The following TRIM15 variants were observed in gnomAD, a reference collection of about 807,000 sequenced individuals.
The protein encoded by TRIM15 is tripartite motif containing 15, also known as E3 ubiquitin-protein ligase TRIM15.
A neutral mutation model predicts 35.8 loss-of-function variants in TRIM15; 35 were observed. The ratio of observed to expected loss-of-function variants is 0.98; its 90% confidence interval spans 0.75 to 1.30. The LOEUF (loss-of-function observed/expected upper bound fraction) is 1.30, where lower values mean the gene tolerates loss of function less well. TRIM15 is among the 50% of genes most tolerant of loss of function. The probability of loss-of-function intolerance (pLI) is 0.00; values close to 1 mark genes in which losing one functional copy is unlikely to be tolerated. For missense variants in TRIM15, 590 were observed against 593.5 expected, an observed-to-expected ratio of 0.99 and a Z score of 0.06; for synonymous variants, 252 against 249.8, an observed-to-expected ratio of 1.01 and a Z score of -0.08.
chr6:30,164,066 G>T lies in TRIM15; in HGVS notation c.381+1G>T, dbSNP rs752066838. On this transcript the variant is annotated splice_donor_variant, in intron 1 of 6. Transcript: ENST00000376694. LOFTEE classifies it high-confidence loss of function. ...GGACGAGGCCATTCAGCCCTACCGG[G>T]TAAGAAGTGTAGCTTTACCTAGGGC... 1.2e-5 allele frequency: 20 copies of T among 1,608,542 alleles called. No homozygotes were observed. The Middle Eastern group carries it at 5.0e-4, about 40-fold the overall frequency.
Position 30,163,726 on chromosome 6 carries a change from T to C in TRIM15, c.42T>C (p.Pro14=), listed in dbSNP as rs35278640. The C allele has an allele frequency of 0.016, 26,299 of 1,612,742 alleles. 370 individuals are homozygous for C. The highest frequency in any genetic ancestry group is 0.051 in the African/African-American group (3,863 of 75,048). Residue 14 remains proline, a synonymous_variant, in exon 1 of 7, where the codon CCT becomes CCC. Coordinates refer to ENST00000376694, the MANE Select transcript of TRIM15 (RefSeq NM_033229.3). The stretch of plus-strand genomic sequence containing the variant: ...CCCTGAAGGTGGTCCATGAGCTGCC[T>C]GCCTGTACCCTCTGTGCGGGGCCGC... The part of the protein sequence containing the change: ...TPSLKVVHEL[P]ACTLCAGPLE...
rs144796171 is a variant in TRIM15 at position 30,163,747 on chromosome 6, G to A, written c.63G>A (p.Gly21=). Residue 21 remains glycine (G), a synonymous_variant, in exon 1 of 7, where the codon GGG becomes GGA. Coordinates refer to ENST00000376694, the MANE Select transcript of TRIM15 (RefSeq NM_033229.3). ...HELPACTLCA[G]PLEDAVTIPC... ...TGCCTGCCTGTACCCTCTGTGCGGG[G>A]CCGCTGGAGGATGCGGTGACCATTC... The A allele has an allele frequency of 1.6e-5, 26 of 1,612,872 alleles. No individual in the cohort carries two copies. The highest frequency in any genetic ancestry group is 8.3e-5 in the Admixed American group (5 of 60,008).
chr6:30,171,814 G>A lies in TRIM15; in HGVS notation c.881-18G>A. On this transcript the variant is annotated intron_variant, in intron 6 of 6. Transcript: ENST00000376694. ...TGGTTGCCGCCCGCTGTTGATGTCT[G>A]CGCGCTCCTCCCTCTAGGGGTCATC... The A allele has an allele frequency of 6.7e-7, 1 of 1,496,466 alleles. No homozygotes were observed. The highest frequency in any genetic ancestry group is 8.9e-7 in the Non-Finnish European group (1 of 1,123,124). The allele number at this position is 1,496,466 out of a possible 1,614,324, so 92.7% of individuals were successfully genotyped here.
chr6:30,163,890 C>T lies in TRIM15; in HGVS notation c.206C>T (p.Pro69Leu), dbSNP rs771120576. The T allele has an allele frequency of 1.9e-6, 3 of 1,612,958 alleles. No individual in the cohort carries two copies. The highest frequency in any genetic ancestry group is 1.7e-5 in the Admixed American group (1 of 60,016). Reference protein sequence around the residue: ...LCQEEEQAETPMAPVPLGPLG... With the variant: ...LCQEEEQAETLMAPVPLGPLG... The stretch of plus-strand genomic sequence containing the variant: ...CAAGAGGAGGAGCAGGCAGAGACTC[C>T]CATGGCCCCTGTGCCCCTGGGCCCG... The change falls in exon 1 of 7, where the codon CCC becomes CTC. Residue 69 changes from proline (P) to leucine (L), a missense_variant. Pro to Leu is a moderately conservative substitution (Grantham distance 98). Coordinates refer to ENST00000376694, the MANE Select transcript of TRIM15 (RefSeq NM_033229.3).
At chr6:30,166,131 G>A (rs1359885463) in intron 1 of TRIM15, among the ~76,000 whole-genome samples, 1 of 152,122 alleles carries the variant, frequency 6.6e-6, no homozygotes, top group Non-Finnish European at 1.5e-5. Context: ...GTCAATTTAG[G>A]CTTTTGTTGC....
At chr6:30,169,616 C>T in intron 4 of TRIM15, 1 of 508,180 alleles carries the variant, frequency 2.0e-6, no homozygotes, top group Non-Finnish European at 3.6e-6. Context: ...AGGGGGAATA[C>T]TTTCTGTAGA....
Position 30,163,826 on chromosome 6 carries a change from G to A in TRIM15, c.142G>A (p.Ala48Thr), listed in dbSNP as rs765087645. 5 of 1,612,928 alleles carry A rather than the reference G, an allele frequency of 3.1e-6. No individual in the cohort carries two copies. Among genetic ancestry groups the A allele is most frequent in the Admixed American group, 1.7e-5 (1 of 60,014 alleles). ...LCLPALSQMG[A>T]QSSGKILLCP... The stretch of plus-strand genomic sequence containing the variant: ...CCTCCCCGCGCTCTCCCAGATGGGG[G>A]CCCAATCCTCGGGCAAGATCCTGCT... The change falls in exon 1 of 7, where the codon GCC (alanine) becomes ACC (threonine). Residue 48 changes from alanine to threonine, a missense_variant. By Grantham distance (58) the Ala-to-Thr change is moderately conservative. Transcript: ENST00000376694.
Position 30,171,865 on chromosome 6 carries a change from G to A in TRIM15, c.914G>A (p.Arg305Gln), listed in dbSNP as rs1435718435. 22 of 1,587,422 alleles carry A rather than the reference G, an allele frequency of 1.4e-5. No individual in the cohort carries two copies. The highest frequency in any genetic ancestry group is 3.5e-5 in the Admixed American group (2 of 57,196). Residue 305 changes from arginine (R) to glutamine (Q), a missense_variant, in exon 7 of 7, where the codon CGG (arginine) becomes CAG (glutamine). Arg to Gln is a conservative substitution (Grantham distance 43). Coordinates refer to ENST00000376694, the MANE Select transcript of TRIM15 (RefSeq NM_033229.3). ...ACTCTGGACCCTCAGACCGCCAGCCGGAGCCTGGTTCTCTCGGAAGACAGG... is the reference window on the plus strand; with the variant it reads ...ACTCTGGACCCTCAGACCGCCAGCCAGAGCCTGGTTCTCTCGGAAGACAGG... The part of the protein sequence containing the change: ...VITLDPQTAS[R>Q]SLVLSEDRKS...
At chr6:30,168,643 C>G (rs114819380) in intron 3 of TRIM15, 113 bp downstream of exon 3, 19,116 of 1,030,002 alleles carry the variant, frequency 0.019, 328 homozygotes, top group African/African-American at 0.052. Context: ...GAGAGGTTAA[C>G]GGGGTGCAGA....
chr6:30,169,270 C>A lies in TRIM15; in HGVS notation c.731+7C>A. The A allele has an allele frequency of 6.2e-7, 1 of 1,613,092 alleles. No homozygotes were observed. The highest frequency in any genetic ancestry group is 8.5e-7 in the Non-Finnish European group (1 of 1,180,028). ...TCAGAGTCAACCAGAGCAGGTAGGG[C>A]CCACTCCCCGGTCCTGCCTCCTTTT... On this transcript the variant is annotated splice_region_variant and intron_variant, in intron 4 of 6. Coordinates refer to ENST00000376694, the MANE Select transcript of TRIM15 (RefSeq NM_033229.3).
In TRIM15 at chr6:30,167,278, G is replaced by C. The variant is rs766514772; in HGVS notation, c.477+7G>C. ...GAAGCTTCAAGTGCTGCTGGTACAG[G>C]CCACGTCACTGGCTACCTTTTCCTT... On this transcript the variant is annotated splice_region_variant and intron_variant, in intron 2 of 6. Coordinates refer to ENST00000376694, the MANE Select transcript of TRIM15 (RefSeq NM_033229.3). 5 of 1,609,056 alleles carry C rather than the reference G, an allele frequency of 3.1e-6. No homozygotes were observed. Among genetic ancestry groups the C allele is most frequent in the African/African-American group, 1.3e-5 (1 of 74,848 alleles).
intron 3 of TRIM15, 166 bp downstream of exon 3, chr6:30,168,696 A>T: frequency 1.5e-6 from 1 of 688,264 alleles, no homozygotes; most frequent in Non-Finnish European, 2.5e-6. Context: ...CACTGTGGTC[A>T]TGTTAAGGGG....
chr6:30,168,429 G>A lies in TRIM15; in HGVS notation c.607G>A (p.Asp203Asn). ...ELEQQIWKER[D>N]EYITKVSEEV... ...GGAGCAGCAGATTTGGAAGGAGAGG[G>A]ATGAATATATCACAAAGGTCTCTGA... is the stretch of plus-strand genomic sequence containing the variant. Residue 203 changes from aspartate (D) to asparagine (N), a missense_variant, in exon 3 of 7, where the codon GAT (aspartate) becomes AAT (asparagine). Physicochemically the swap from Asp to Asn is conservative, Grantham distance 23 (BLOSUM62 1). Coordinates refer to ENST00000376694, the MANE Select transcript of TRIM15 (RefSeq NM_033229.3). The A allele has an allele frequency of 6.2e-7, 1 of 1,612,820 alleles. No homozygotes were observed. The highest frequency in any genetic ancestry group is 8.5e-7 in the Non-Finnish European group (1 of 1,179,906).
chr6:30,169,419 A>C, intron 4 of TRIM15, 156 bp downstream of exon 4: 24 of 832,286 alleles, frequency 2.9e-5, no homozygotes, highest in Non-Finnish European at 4.7e-5. Flanking sequence ...GTCCAAACTC[A>C]CTAAAGATTT....
chr6:30,167,297 T>C, intron 2 of TRIM15, 26 bp downstream of exon 2: 1 of 1,595,216 alleles, frequency 6.3e-7, no homozygotes, highest in Non-Finnish European at 8.6e-7. Flanking sequence ...CTGGCTACCT[T>C]TTCCTTTGAA....
In TRIM15 at chr6:30,172,280, T is replaced by C. The variant is rs1063277; in HGVS notation, c.1329T>C (p.Ser443=). The change falls in exon 7 of 7, where the codon TCT becomes TCC. Residue 443 remains serine, a synonymous_variant. Transcript: ENST00000376694. ...TQEPIFTFTA[S]FSGKVFPFFA... ...AGCCCATCTTCACCTTCACTGCCTC[T>C]TTCTCCGGCAAAGTCTTCCCTTTCT... 5 of 1,612,858 alleles carry C rather than the reference T, an allele frequency of 3.1e-6. No individual in the cohort carries two copies. Among genetic ancestry groups the C allele is most frequent in the Non-Finnish European group, 4.2e-6 (5 of 1,179,938 alleles).
At position 30,172,164 on chromosome 6, in the gene TRIM15, G is replaced by T. The variant is rs1774078702; in HGVS notation, c.1213G>T (p.Asp405Tyr). 2 of 1,597,926 alleles carry T rather than the reference G, an allele frequency of 1.3e-6. No homozygotes were observed. Among genetic ancestry groups the T allele is most frequent in the East Asian group, 2.3e-5 (1 of 44,118 alleles). Residue 405 changes from aspartate to tyrosine, a missense_variant, in exon 7 of 7, where the codon GAC becomes TAC. Transcript: ENST00000376694. ...CTGGGCCAGCACCTCCCCGGGCACCGACCTGCCGCTGAGCGAGATCCCGCG... is the reference window on the plus strand; with the variant it reads ...CTGGGCCAGCACCTCCCCGGGCACCTACCTGCCGCTGAGCGAGATCCCGCG... ...QCWASTSPGT[D>Y]LPLSEIPRGV...
At chr6:30,170,676 C>A in intron 5 of TRIM15, 60 bp downstream of exon 5, 1 of 1,319,382 alleles carries the variant, frequency 7.6e-7, no homozygotes. Flanking sequence ...TGTCTTCCAC[C>A]CATCTCCATC....
At chr6:30,167,753 C>A (rs1773712251) in intron 2 of TRIM15, among the ~76,000 whole-genome samples, 1 of 152,158 alleles carries the variant, frequency 6.6e-6, no homozygotes, top group Non-Finnish European at 1.5e-5. Flanking sequence ...TCACGCCTCT[C>A]TTTTCATGCT....
Sources: gnomAD v4.1 joint callset for allele counts (sites outside exome capture counted in the v4.1 genomes callset) on GRCh38, gnomAD v4.1.1 for gene constraint, MANE v1.5 for transcripts, NCBI Gene and HGNC (gene_info 2026-07-23, HGNC 2026-07-21) for gene names.